Variants in CYRIB observed in about 807,000 individuals in gnomAD.
The protein encoded by CYRIB is CYFIP-related Rac1 interactor B.
In CYRIB, 8 loss-of-function variants were observed where a neutral mutation model predicts 44.2. The ratio of observed to expected loss-of-function variants is 0.18; its 90% CI spans 0.11 to 0.33. CYRIB has a LOEUF of 0.33. Among genes scored for constraint, CYRIB ranks in the 10% least tolerant of loss-of-function variants. CYRIB has a pLI of 1.00. For synonymous variants in CYRIB, 131 were observed against 127.2 expected (o/e 1.03, Z -0.20); for missense variants, 185 against 382.8 (o/e 0.48, Z 4.31).
intron 1 of CYRIB, among the ~76,000 whole-genome samples, chr8:130,006,220 T>C (rs2097058230): frequency 6.6e-6 from 1 of 151,918 alleles, no homozygotes; most frequent in South Asian, 2.1e-4. Flanking sequence ...TGAGAATCGC[T>C]TGAACCCAGG....
chr8:129,990,137 TCTA>T (rs956044416), intron 1 of CYRIB, among the ~76,000 whole-genome samples: 3 of 152,140 alleles, frequency 2.0e-5, no homozygotes, highest in Non-Finnish European at 4.4e-5. Context: ...CTCCATCTCT[TCTA>T]CTAGGCTGTG....
chr8:129,867,690 G>A (rs1417435715), intron 4 of CYRIB, among the ~76,000 whole-genome samples: 3 of 151,848 alleles, frequency 2.0e-5, no homozygotes, highest in Non-Finnish European at 2.9e-5. Context: ...TATCAGACAC[G>A]GTGCTATGCT....
At chr8:129,983,577 G>A (rs2096333774) in intron 1 of CYRIB, among the ~76,000 whole-genome samples, 1 of 152,258 alleles carries the variant, frequency 6.6e-6, no homozygotes, top group African/African-American at 2.4e-5. Flanking sequence ...GAGTTACTGT[G>A]CCAGGTCACC....
intron 2 of CYRIB, among the ~76,000 whole-genome samples, chr8:129,885,349 C>T (rs939163469): frequency 6.6e-6 from 1 of 152,188 alleles, no homozygotes; most frequent in African/African-American, 2.4e-5. Context: ...ATTTCTTAAG[C>T]ATATTTATCA....
intron 2 of CYRIB, among the ~76,000 whole-genome samples, chr8:129,885,620 A>T (rs2062440952): frequency 6.6e-6 from 1 of 152,084 alleles, no homozygotes; most frequent in South Asian, 2.1e-4. Flanking sequence ...GATACCCCTT[A>T]TCACCTCTGC....
At chr8:129,874,977 T>C (rs1432926514) in intron 3 of CYRIB, among the ~76,000 whole-genome samples, 2 of 152,208 alleles carry the variant, frequency 1.3e-5, no homozygotes, top group Non-Finnish European at 2.9e-5. Context: ...CCTTAACAAA[T>C]GACTACCTCT....
intron 5 of CYRIB, 84 bp from the exon 8 acceptor site, chr8:129,855,831 T>C: frequency 1.6e-6 from 2 of 1,280,498 alleles, no homozygotes; most frequent in Non-Finnish European, 2.1e-6. Context: ...TTCATAAATG[T>C]TAATTCCCAG....
chr8:129,971,124 T>C (rs150323323), intron 1 of CYRIB, 129 bp from the exon 2 acceptor site: 3 of 152,448 alleles, frequency 2.0e-5, no homozygotes, highest in African/African-American at 7.2e-5. Flanking sequence ...CAACTCCAAA[T>C]AGCATTTGTT....
intron 1 of CYRIB, chr8:129,912,431 G>GT (rs748707103): frequency 0.028 from 4,022 of 141,332 alleles, 57 homozygotes; most frequent in African/African-American, 0.054. Flanking sequence ...AAATTACAAA[G>GT]TTTTTTTTTT....
chr8:130,009,492 T>G (rs544006500), intron 1 of CYRIB, among the ~76,000 whole-genome samples: 2 of 152,276 alleles, frequency 1.3e-5, no homozygotes, highest in South Asian at 4.1e-4. Context: ...GGTCTTGAAC[T>G]CCTGACCTCA....
intron 1 of CYRIB, among the ~76,000 whole-genome samples, chr8:129,937,999 C>A (rs1488144163): frequency 6.6e-6 from 1 of 151,780 alleles, no homozygotes. Context: ...TCCCCAAAAA[C>A]GAAGCTGTTA....
At chr8:129,893,735 A>G (rs1228287795) in intron 2 of CYRIB, among the ~76,000 whole-genome samples, 5 of 151,936 alleles carry the variant, frequency 3.3e-5, no homozygotes, top group African/African-American at 1.2e-4. Context: ...GGTTCTCGCT[A>G]TGTTGTCCAG....
chr8:129,977,891 G>A (rs2096023820), intron 1 of CYRIB, among the ~76,000 whole-genome samples: 15 of 151,922 alleles, frequency 9.9e-5, no homozygotes, highest in Admixed American at 9.8e-4. Context: ...TGTATTAGCA[G>A]TAGTAGAAGT....
At chr8:130,011,540 G>A (rs930323100) in intron 1 of CYRIB, among the ~76,000 whole-genome samples, 15 of 145,694 alleles carry the variant, frequency 1.0e-4, no homozygotes, top group South Asian at 4.4e-4. Flanking sequence ...AAATTAGGCT[G>A]GGCATGGTGG....
chr8:130,009,718 A>G (rs960779546), intron 1 of CYRIB, among the ~76,000 whole-genome samples: 1 of 152,194 alleles, frequency 6.6e-6, no homozygotes, highest in African/African-American at 2.4e-5. Flanking sequence ...CTGCTAGACT[A>G]TGCTAGATGC....
At chr8:129,888,281 G>A (rs116308220) in intron 2 of CYRIB, among the ~76,000 whole-genome samples, 2,307 of 152,128 alleles carry the variant, frequency 0.015, 69 homozygotes, top group African/African-American at 0.053. Context: ...TTCGCCTTCC[G>A]CCATTCAAGG....
intron 1 of CYRIB, among the ~76,000 whole-genome samples, chr8:129,911,584 G>A (rs969170697): frequency 6.6e-5 from 10 of 151,876 alleles, no homozygotes; most frequent in South Asian, 2.1e-4. Flanking sequence ...GGCGAATCAC[G>A]AGGTCAGGGG....
At chr8:129,980,692 T>C (rs957437739) in intron 1 of CYRIB, among the ~76,000 whole-genome samples, 2 of 150,196 alleles carry the variant, frequency 1.3e-5, no homozygotes, top group South Asian at 2.1e-4. Context: ...AAAAAAACCA[T>C]ACTATGAGGT....
At chr8:130,014,570 A>G (rs1184005683) in intron 1 of CYRIB, among the ~76,000 whole-genome samples, 6 of 152,204 alleles carry the variant, frequency 3.9e-5, no homozygotes. Flanking sequence ...TAAGGATCCT[A>G]AGAGAGGCAC....
Sources: gnomAD v4.1 joint callset for allele counts (sites outside exome capture counted in the v4.1 genomes callset) on GRCh38, gnomAD v4.1.1 for gene constraint, MANE v1.5 for transcripts, NCBI Gene and HGNC (gene_info 2026-07-23, HGNC 2026-07-21) for gene names.